Variants in VTI1A observed in about 807,000 individuals in gnomAD.
The protein encoded by VTI1A is vesicle transport through interaction with t-SNAREs 1A.
Under a neutral mutation model 34.9 loss-of-function variants are expected in VTI1A, and 22 were observed. The ratio of observed to expected loss-of-function variants is 0.63; its 90% CI spans 0.45 to 0.90. The LOEUF is 0.90. VTI1A is among the 40% of genes least tolerant of loss of function. VTI1A has a pLI of 0.00. For synonymous variants in VTI1A, 87 were observed against 97.3 expected, an observed-to-expected ratio of 0.89 and a Z score of 0.62; for missense variants, 268 against 275.6, an observed-to-expected ratio of 0.97 and a Z score of 0.20.
chr10:112,695,305 A>C (rs1217530872), intron 7 of VTI1A, among the ~76,000 whole-genome samples: 1 of 152,174 alleles, frequency 6.6e-6, no homozygotes, highest in Non-Finnish European at 1.5e-5. Context: ...AGTAAGAAAC[A>C]TTGGGTATAA....
chr10:112,639,370 CAT>C (rs1347758123), intron 5 of VTI1A, among the ~76,000 whole-genome samples: 1 of 152,138 alleles, frequency 6.6e-6, no homozygotes, highest in Non-Finnish European at 1.5e-5. Context: ...TGATGAATCA[CAT>C]AGACAATTAC....
intron 5 of VTI1A, among the ~76,000 whole-genome samples, chr10:112,605,206 G>GC (rs1330960889): frequency 6.6e-6 from 1 of 152,066 alleles, no homozygotes; most frequent in Non-Finnish European, 1.5e-5. Context: ...ACAAACCCAG[G>GC]CCTGGCTCCT....
intron 1 of VTI1A, chr10:112,448,877 A>G (rs1847105788): frequency 6.6e-6 from 1 of 152,074 alleles, no homozygotes; most frequent in Non-Finnish European, 1.5e-5. Flanking sequence ...ATTTTCTGTT[A>G]ATAGGGATAT....
At chr10:112,829,125 C>T in the VTI1A span, among the ~76,000 whole-genome samples, 1,872 of 152,192 alleles carry the variant, frequency 0.012, 39 homozygotes, top group African/African-American at 0.042. Context: ...AATTTGAGGA[C>T]ACATTTGAAA....
intron 7 of VTI1A, among the ~76,000 whole-genome samples, chr10:112,721,442 A>G (rs1184160056): frequency 1.3e-5 from 2 of 152,230 alleles, no homozygotes; most frequent in African/African-American, 4.8e-5. Flanking sequence ...TTACATTCAT[A>G]GGGTACTTTT....
chr10:112,530,262 C>G (rs1421353195), intron 4 of VTI1A, among the ~76,000 whole-genome samples: 1 of 152,146 alleles, frequency 6.6e-6, no homozygotes, highest in East Asian at 1.9e-4. Context: ...CCAAGGATTA[C>G]TGTCTTAAGC....
intron 7 of VTI1A, among the ~76,000 whole-genome samples, chr10:112,685,851 C>A (rs917579157): frequency 6.6e-6 from 1 of 152,124 alleles, no homozygotes; most frequent in Non-Finnish European, 1.5e-5. Context: ...AGACTTCTTC[C>A]TTCTCCCACT....
intron 5 of VTI1A, among the ~76,000 whole-genome samples, chr10:112,582,733 A>G (rs555368574): frequency 3.9e-4 from 60 of 152,268 alleles, no homozygotes; most frequent in Admixed American, 1.6e-3. Context: ...ATGCCATCTT[A>G]TACTTGATTA....
At chr10:112,834,951 T>C in the VTI1A span, among the ~76,000 whole-genome samples, 1 of 152,208 alleles carries the variant, frequency 6.6e-6, no homozygotes, top group East Asian at 1.9e-4. Flanking sequence ...GAGAGAGCCC[T>C]TCTATGTACA....
chr10:112,598,563 TG>T (rs1844758330), intron 5 of VTI1A, among the ~76,000 whole-genome samples: 2 of 152,180 alleles, frequency 1.3e-5, no homozygotes, highest in African/African-American at 2.4e-5. Flanking sequence ...ACAAAAGTAA[TG>T]GGGGGAAAGC....
At position 112,816,958 on chromosome 10, in the gene VTI1A, A is replaced by T. The variant is rs1341398015; in HGVS notation, c.*1575A>T. ...TTTAGTATTGTGTAAATAAAGCTGC[A>T]GCCTTTACTTCGGAGGGATGGTGTG... On this transcript the variant is annotated 3_prime_UTR_variant, in exon 8 of 8. Transcript: ENST00000393077. 4.3e-6 allele frequency: 1 copy of T among 231,592 alleles called. No individual in the cohort carries two copies. The highest frequency in any genetic ancestry group is 8.5e-6 in the Non-Finnish European group (1 of 117,080). 14.3% of individuals were successfully genotyped at this position (231,592 alleles called of 1,614,324 possible). A position where few individuals can be genotyped will look rare whatever the true frequency, so the allele number is the denominator to read the frequency against.
At chr10:112,567,186 T>G (rs1253837125) in intron 5 of VTI1A, among the ~76,000 whole-genome samples, 1 of 152,034 alleles carries the variant, frequency 6.6e-6, no homozygotes, top group African/African-American at 2.4e-5. Flanking sequence ...CAGCCCACCA[T>G]GCCCGGCTAA....
intron 7 of VTI1A, among the ~76,000 whole-genome samples, chr10:112,769,238 C>G (rs1364742918): frequency 6.6e-6 from 1 of 152,194 alleles, no homozygotes; most frequent in African/African-American, 2.4e-5. Context: ...ACACAGACAG[C>G]AGGCCTTGCT....
At chr10:112,527,998 A>G (rs1030090215) in intron 4 of VTI1A, among the ~76,000 whole-genome samples, 1 of 152,076 alleles carries the variant, frequency 6.6e-6, no homozygotes, top group Non-Finnish European at 1.5e-5. Flanking sequence ...AAAAAGCCCT[A>G]ATGACTGATT....
At chr10:112,702,480 C>A (rs1354176380) in intron 7 of VTI1A, among the ~76,000 whole-genome samples, 1 of 151,362 alleles carries the variant, frequency 6.6e-6, no homozygotes, top group Non-Finnish European at 1.5e-5. Context: ...AGTGCAGTGG[C>A]ACAATCTCGG....
intron 3 of VTI1A, 24 bp downstream of exon 3, chr10:112,464,681 C>G (rs1847839164): frequency 6.3e-7 from 1 of 1,595,006 alleles, no homozygotes; most frequent in African/African-American, 1.4e-5. Context: ...GACCCTTTGT[C>G]ATATTTACTT....
intron 5 of VTI1A, among the ~76,000 whole-genome samples, chr10:112,549,644 C>G (rs1851271040): frequency 6.6e-6 from 1 of 152,008 alleles, no homozygotes. Flanking sequence ...AGAGAAAGTT[C>G]TTTCTCTAGA....
intron 5 of VTI1A, among the ~76,000 whole-genome samples, chr10:112,626,440 A>G (rs906319216): frequency 2.0e-4 from 31 of 152,238 alleles, no homozygotes; most frequent in African/African-American, 7.5e-4. Context: ...AAGTTACAGT[A>G]TATTTATCCA....
chr10:112,526,547 C>T (rs538878159), intron 3 of VTI1A, among the ~76,000 whole-genome samples: 1 of 152,220 alleles, frequency 6.6e-6, no homozygotes, highest in East Asian at 1.9e-4. Context: ...TTTAAATTCT[C>T]TCTCTTTCTG....
Sources: allele counts gnomAD v4.1 joint callset (sites outside exome capture counted in the v4.1 genomes callset), GRCh38; gene constraint gnomAD v4.1.1; transcripts MANE v1.5; gene names NCBI Gene and HGNC (gene_info 2026-07-23, HGNC 2026-07-21).